The following BBX variants were observed in gnomAD, a reference collection of about 807,000 sequenced individuals.
BBX encodes BBX high mobility group box domain containing.
BBX carries 30 observed loss-of-function variants against 100.2 expected under a neutral mutation model. The ratio of observed to expected loss-of-function variants is 0.30; its 90% CI spans 0.22 to 0.41. The LOEUF (loss-of-function observed/expected upper bound fraction) is 0.41. BBX is among the 10% of genes least tolerant of loss of function. The probability of loss-of-function intolerance (pLI) is 1.00; values close to 1 mark genes in which losing one functional copy is unlikely to be tolerated. For synonymous variants in BBX, 376 were observed against 388.1 expected, an observed-to-expected ratio of 0.97 and a Z score of 0.37; for missense variants, 1,023 against 1,129.8, an observed-to-expected ratio of 0.91 and a Z score of 1.35.
rs533723645 is a variant in BBX, at chr3:107,744,214, T to G, written c.670-416T>G. ...GGGATAATGCATTAAATAAAGTCTC[T>G]GGGAGAGGATGTACAATAAATAAAT... On this transcript the variant is annotated intron_variant, in intron 7 of 17. Coordinates refer to ENST00000325805, the MANE Select transcript of BBX (RefSeq NM_001142568.3). Among the ~76,000 whole-genome samples the G allele has an allele frequency of 2.6e-5, 4 of 152,214 alleles. No homozygotes were observed. In the South Asian group the frequency reaches 8.3e-4, roughly 32 times the overall value.
In BBX at chr3:107,555,650, G is replaced by A. The variant is rs889664758; in HGVS notation, c.-84+29252G>A. Among the ~76,000 whole-genome samples, 3 of 152,282 alleles carry A rather than the reference G, an allele frequency of 2.0e-5. No individual in the cohort carries two copies. The South Asian group carries it at 6.2e-4, about 32-fold the overall frequency. On this transcript the variant is annotated intron_variant, in intron 2 of 17. Coordinates refer to ENST00000325805, the MANE Select transcript of BBX (RefSeq NM_001142568.3). ...AAGATGTGAGTTAAAGAAGCCCCAA[G>A]GAAAGGCATCTGTAACACTGCTGGG...
chr3:107,712,851 A>G (rs1258295193), intron 4 of BBX, among the ~76,000 whole-genome samples: 1 of 152,202 alleles, frequency 6.6e-6, no homozygotes, highest in African/African-American at 2.4e-5. Flanking sequence ...TGGCTGGCTC[A>G]TAGCAGGAAC....
At chr3:107,677,168 T>A (rs1249421786) in intron 3 of BBX, among the ~76,000 whole-genome samples, 1 of 152,116 alleles carries the variant, frequency 6.6e-6, no homozygotes, top group African/African-American at 2.4e-5. Context: ...ACTAATAACA[T>A]TGGGAAACTT....
intron 10 of BBX, among the ~76,000 whole-genome samples, chr3:107,766,538 C>T (rs2066407516): frequency 6.6e-6 from 1 of 151,524 alleles, no homozygotes; most frequent in Non-Finnish European, 1.5e-5. Flanking sequence ...GCCAAAAAAG[C>T]AATAATTTGG....
chr3:107,572,430 G>A (rs545140169), intron 2 of BBX, among the ~76,000 whole-genome samples: 1 of 152,094 alleles, frequency 6.6e-6, no homozygotes, highest in Non-Finnish European at 1.5e-5. Context: ...TGCCAAAAAT[G>A]CCTGAAGCTG....
At chr3:107,570,130 G>GA (rs1433310002) in intron 2 of BBX, among the ~76,000 whole-genome samples, 1 of 152,216 alleles carries the variant, frequency 6.6e-6, no homozygotes. Context: ...AGTCCTGGAG[G>GA]AACCCCTGGC....
chr3:107,734,657 AAC>A (rs1329485676), intron 7 of BBX, among the ~76,000 whole-genome samples: 3 of 152,214 alleles, frequency 2.0e-5, no homozygotes, highest in African/African-American at 7.2e-5. Flanking sequence ...TTTCATTCGC[AAC>A]ATCTATTTAG....
intron 2 of BBX, among the ~76,000 whole-genome samples, chr3:107,591,639 C>T (rs945067323): frequency 6.6e-6 from 1 of 152,168 alleles, no homozygotes; most frequent in Non-Finnish European, 1.5e-5. Flanking sequence ...AGGCATGCGC[C>T]AGTACGCCTG....
chr3:107,802,168 A>T (rs1171755105), intron 17 of BBX, among the ~76,000 whole-genome samples: 1 of 152,238 alleles, frequency 6.6e-6, no homozygotes, highest in Non-Finnish European at 1.5e-5. Flanking sequence ...CTGCTTTCTT[A>T]GACTTTCAGT....
intron 17 of BBX, among the ~76,000 whole-genome samples, chr3:107,804,945 T>A (rs941108629): frequency 3.3e-5 from 5 of 152,142 alleles, no homozygotes; most frequent in African/African-American, 1.2e-4. Context: ...AGAAAAGGAA[T>A]GTGTCATTTT....
chr3:107,760,040 T>C (rs1306020164), intron 10 of BBX, among the ~76,000 whole-genome samples: 1 of 152,226 alleles, frequency 6.6e-6, no homozygotes, highest in Non-Finnish European at 1.5e-5. Context: ...CTCACAACTA[T>C]CCTCTGAGGT....
intron 2 of BBX, among the ~76,000 whole-genome samples, chr3:107,587,544 T>G (rs1270555912): frequency 6.6e-6 from 1 of 152,178 alleles, no homozygotes; most frequent in African/African-American, 2.4e-5. Context: ...TATTAAATTT[T>G]GGGTTTCTGT....
chr3:107,637,809 A>G (rs2056941935), intron 2 of BBX, among the ~76,000 whole-genome samples: 1 of 152,200 alleles, frequency 6.6e-6, no homozygotes, highest in Non-Finnish European at 1.5e-5. Flanking sequence ...AGCTATGGAA[A>G]TGTGATTGGA....
At chr3:107,623,695 A>G (rs2055951743) in intron 2 of BBX, among the ~76,000 whole-genome samples, 1 of 152,196 alleles carries the variant, frequency 6.6e-6, no homozygotes, top group African/African-American at 2.4e-5. Context: ...TAAGTACACT[A>G]TTTAGAAGGG....
At chr3:107,586,155 C>T (rs1211848513) in intron 2 of BBX, among the ~76,000 whole-genome samples, 1 of 152,132 alleles carries the variant, frequency 6.6e-6, no homozygotes, top group Non-Finnish European at 1.5e-5. Flanking sequence ...AATTCACCCA[C>T]ATCATTCTCT....
At chr3:107,649,160 T>C (rs2107799702) in intron 3 of BBX, among the ~76,000 whole-genome samples, 1 of 152,290 alleles carries the variant, frequency 6.6e-6, no homozygotes, top group South Asian at 2.1e-4. Context: ...TAATCACCAT[T>C]ACAAGAATGG....
chr3:107,531,808 G>A (rs1310931667), intron 2 of BBX, among the ~76,000 whole-genome samples: 1 of 152,174 alleles, frequency 6.6e-6, no homozygotes, highest in Non-Finnish European at 1.5e-5. Context: ...TGGGATGAGA[G>A]AACAGCTCTT....
chr3:107,762,485 A>G (rs1403369380), intron 10 of BBX, among the ~76,000 whole-genome samples: 1 of 152,336 alleles, frequency 6.6e-6, no homozygotes, highest in East Asian at 1.9e-4. Context: ...CAACCAGTGT[A>G]TATTTCTCTG....
chr3:107,640,755 G>A (rs983992308), intron 2 of BBX, among the ~76,000 whole-genome samples: 2 of 151,868 alleles, frequency 1.3e-5, no homozygotes, highest in African/African-American at 2.4e-5. Context: ...TCCGTCTCCC[G>A]GGTTCAAGTG....
Sources: allele counts gnomAD v4.1 joint callset (sites outside exome capture counted in the v4.1 genomes callset), GRCh38; gene constraint gnomAD v4.1.1; transcripts MANE v1.5; gene names NCBI Gene and HGNC (gene_info 2026-07-23, HGNC 2026-07-21).